Variants in NEK6 observed in about 807,000 individuals in gnomAD.
NEK6 encodes the protein serine/threonine-protein kinase Nek6.
A neutral mutation model predicts 43.5 loss-of-function variants in NEK6; 27 were observed. The ratio of observed to expected loss-of-function variants is 0.62; its 90% confidence interval spans 0.46 to 0.86. The LOEUF is 0.86. NEK6 is among the 40% of genes least tolerant of loss of function. The pLI, the probability that NEK6 is intolerant of heterozygous loss-of-function variation, is 0.00. For synonymous variants in NEK6, 167 were observed against 164.1 expected, an observed-to-expected ratio of 1.02 and a Z score of -0.14; for missense variants, 318 against 414.4, an observed-to-expected ratio of 0.77 and a Z score of 2.02.
chr9:124,312,610 C>G lies in NEK6; in HGVS notation c.192C>G (p.Cys64Trp). ...GQFSEVYKAT[C>W]LLDRKTVALK... is the part of the protein sequence containing the mutation. The stretch of plus-strand genomic sequence containing the variant: ...TCAGCGAGGTGTACAAGGCCACCTG[C>G]CTGCTGGACAGGAAGACAGTGGCTC... Residue 64 changes from cysteine to tryptophan, a missense_variant, in exon 3 of 10, where the codon TGC (cysteine) becomes TGG (tryptophan). Coordinates refer to ENST00000320246, the MANE Select transcript of NEK6 (RefSeq NM_014397.6). 1 of 1,613,968 alleles carries G rather than the reference C, an allele frequency of 6.2e-7. No individual in the cohort carries two copies.
intron 8 of NEK6, among the ~76,000 whole-genome samples, chr9:124,341,338 T>C (rs1829612224): frequency 6.6e-6 from 1 of 152,044 alleles, no homozygotes; most frequent in Admixed American, 6.6e-5. Flanking sequence ...CTTGTGGAAC[T>C]GGTGCTTGGG....
intron 1 of NEK6, among the ~76,000 whole-genome samples, chr9:124,283,537 C>T (rs548974005): frequency 6.6e-6 from 1 of 152,086 alleles, no homozygotes; most frequent in Non-Finnish European, 1.5e-5. Context: ...GGGTCATGTG[C>T]AGGGAGCCCT....
rs540085234 is a variant in NEK6, at chr9:124,258,518, A to G, written c.-30+433A>G. On this transcript the variant is annotated intron_variant, in intron 1 of 9. Transcript: ENST00000320246. ...TGCATTCCAAAGTGATTTGTGTGCA[A>G]GCACATGCGTGAGCCTAGAAGGGCG... is the stretch of plus-strand genomic sequence containing the variant. Among the ~76,000 whole-genome samples, 14 of 152,338 alleles carry G rather than the reference A, an allele frequency of 9.2e-5. No individual in the cohort carries two copies. The East Asian group carries it at 1.4e-3, about 15-fold the overall frequency.
intron 7 of NEK6, among the ~76,000 whole-genome samples, chr9:124,330,821 G>T (rs571296572): frequency 4.6e-5 from 7 of 152,284 alleles, no homozygotes; most frequent in Non-Finnish European, 1.0e-4. Flanking sequence ...CAGGGCAGGC[G>T]TGGGGCTCTG....
intron 4 of NEK6, among the ~76,000 whole-genome samples, chr9:124,314,747 A>C (rs1223755531): frequency 1.3e-5 from 2 of 151,722 alleles, no homozygotes; most frequent in Non-Finnish European, 2.9e-5. Context: ...TGCTCACTGC[A>C]ATCCCCACCT....
At chr9:124,288,299 C>T (rs553311818) in intron 1 of NEK6, among the ~76,000 whole-genome samples, 1 of 152,284 alleles carries the variant, frequency 6.6e-6, no homozygotes, top group East Asian at 1.9e-4. Context: ...CAGAGTCTCA[C>T]TCCATCACCC....
In NEK6 at chr9:124,343,208, G is replaced by C. The variant is rs1370442068; in HGVS notation, c.717+3543G>C. The stretch of plus-strand genomic sequence containing the variant: ...AGTGGGGCTGTGCGGCTCGCAGCTG[G>C]GGGGGCTGGACCACAGCCGGGGGGC... On this transcript the variant is annotated intron_variant, in intron 8 of 9. Coordinates refer to ENST00000320246, the MANE Select transcript of NEK6 (RefSeq NM_014397.6). This position sits in a 1 kb window ranked among gnomAD's most constrained non-coding sequence, Gnocchi z 5.1. Among the ~76,000 whole-genome samples the C allele has an allele frequency of 2.0e-5, 3 of 151,618 alleles. No individual in the cohort carries two copies. Among genetic ancestry groups the C allele is most frequent in the African/African-American group, 7.3e-5 (3 of 41,216 alleles).
At position 124,282,766 on chromosome 9, in the gene NEK6, G is replaced by A. The variant is rs566484196; in HGVS notation, c.-29-19170G>A. On this transcript the variant is annotated intron_variant, in intron 1 of 9. Transcript: ENST00000320246. ...CTGAGTAGATCTGGGTCTTCAGCAC[G>A]ATGTTTTTTAAAAACAGGCTTGCAG... Among the ~76,000 whole-genome samples the A allele has an allele frequency of 3.3e-5, 5 of 152,274 alleles. No homozygotes were observed. The East Asian group carries it at 5.8e-4, about 18-fold the overall frequency.
intron 7 of NEK6, among the ~76,000 whole-genome samples, chr9:124,337,985 T>TTC (rs1829378031): frequency 6.6e-6 from 1 of 152,196 alleles, no homozygotes; most frequent in Non-Finnish European, 1.5e-5. Context: ...TTGGTTTTGT[T>TTC]TTTTGTTTTG....
intron 1 of NEK6, among the ~76,000 whole-genome samples, chr9:124,281,621 C>T (rs1364003477): frequency 6.6e-6 from 1 of 151,128 alleles, no homozygotes; most frequent in Non-Finnish European, 1.5e-5. Context: ...CTGCTTCAGC[C>T]TCCTGAGTAG....
upstream of NEK6, chr9:124,257,868 G>C (rs1334629141): frequency 8.7e-6 from 9 of 1,039,806 alleles, no homozygotes; most frequent in Non-Finnish European, 1.1e-5. Flanking sequence ...AGCTTGCGTG[G>C]CGGCAGCGCG....
intron 1 of NEK6, among the ~76,000 whole-genome samples, chr9:124,281,268 C>A (rs1026044127): frequency 2.0e-5 from 3 of 152,136 alleles, no homozygotes; most frequent in African/African-American, 7.2e-5. Flanking sequence ...GAGAGGGAGA[C>A]CCCCTTTTTG....
rs375997496 is a variant in NEK6, at chr9:124,288,704, A to C, written c.-29-13232A>C. Among the ~76,000 whole-genome samples, 9 of 152,282 alleles carry C rather than the reference A, an allele frequency of 5.9e-5. No homozygotes were observed. The South Asian group carries it at 1.9e-3, about 32-fold the overall frequency. ...ACGGCAGCCCTACAAGATGGGTCCT[A>C]CTGTGGCTACTAGTTTATAAAAGAG... On this transcript the variant is annotated intron_variant, in intron 1 of 9. Transcript: ENST00000320246.
At chr9:124,283,278 T>C (rs1415529736) in intron 1 of NEK6, among the ~76,000 whole-genome samples, 1 of 152,202 alleles carries the variant, frequency 6.6e-6, no homozygotes, top group Non-Finnish European at 1.5e-5. Flanking sequence ...AGAGAGCATC[T>C]TGGAGCCCAG....
rs1830302086 is a variant in NEK6, at chr9:124,352,034, TTCCCAAA to T, written c.*1088_*1094del. ...CCAGAAATGTGTTCCTTATTTCTTG[TTCCCAAA>T]CAGGATTAACTGTGAAGACTAATTT... On this transcript the variant is annotated 3_prime_UTR_variant, in exon 10 of 10. Transcript: ENST00000320246. 1 of 152,690 alleles carries T rather than the reference TTCCCAAA, an allele frequency of 6.5e-6. No homozygotes were observed. Among genetic ancestry groups the T allele is most frequent in the African/African-American group, 2.4e-5 (1 of 41,470 alleles). 9.5% of individuals were successfully genotyped at this position (152,690 alleles called of 1,614,324 possible).
intron 9 of NEK6, among the ~76,000 whole-genome samples, chr9:124,348,754 G>A (rs1830094873): frequency 6.6e-6 from 1 of 152,234 alleles, no homozygotes; most frequent in Non-Finnish European, 1.5e-5. Flanking sequence ...GCTAGTGGGT[G>A]AGTCTGGGGC....
chr9:124,309,923 G>A (rs925741110), intron 2 of NEK6, among the ~76,000 whole-genome samples: 5 of 152,236 alleles, frequency 3.3e-5, no homozygotes, highest in African/African-American at 1.2e-4. Flanking sequence ...TGCAGAGGAC[G>A]TGGAGGGGAC....
intron 2 of NEK6, among the ~76,000 whole-genome samples, chr9:124,306,107 A>G (rs2130821417): frequency 6.6e-6 from 1 of 152,190 alleles, no homozygotes; most frequent in African/African-American, 2.4e-5. Flanking sequence ...ATGATGCCTC[A>G]TGGGGCTACA....
intron 2 of NEK6, among the ~76,000 whole-genome samples, chr9:124,310,877 C>A (rs77321119): frequency 6.6e-6 from 1 of 152,346 alleles, no homozygotes; most frequent in South Asian, 2.1e-4. Flanking sequence ...TGAGCCACTG[C>A]GCCTGGCCTA....
Sources: allele counts gnomAD v4.1 joint callset (sites outside exome capture counted in the v4.1 genomes callset), GRCh38; gene constraint gnomAD v4.1.1; non-coding constraint Gnocchi (gnomAD v3.1); transcripts MANE v1.5; gene names NCBI Gene and HGNC (gene_info 2026-07-23, HGNC 2026-07-21).